The following M1AP variants were observed in gnomAD, a reference collection of about 807,000 sequenced individuals.
M1AP encodes meiosis 1 associated protein.
A neutral mutation model predicts 51.2 loss-of-function variants in M1AP; 39 were observed. That is an observed-to-expected ratio of 0.76 (90% CI 0.59 to 1.00). M1AP has a LOEUF of 1.00. Among genes scored for constraint, M1AP ranks in the 50% least tolerant of loss-of-function variants. The probability of loss-of-function intolerance (pLI) is 0.00; values close to 1 mark genes in which losing one functional copy is unlikely to be tolerated. For synonymous variants in M1AP, 251 were observed against 249.2 expected (o/e 1.01, Z -0.07); for missense variants, 545 against 641.2 (o/e 0.85, Z 1.62).
intron 7 of M1AP, among the ~76,000 whole-genome samples, chr2:74,568,531 C>T (rs1369979931): frequency 1.3e-5 from 2 of 152,182 alleles, no homozygotes; most frequent in Admixed American, 6.5e-5. Flanking sequence ...CCAAGACTTC[C>T]ACCTGTGGAG....
intron 3 of M1AP, among the ~76,000 whole-genome samples, chr2:74,612,919 C>T (rs1199226660): frequency 4.6e-5 from 7 of 151,906 alleles, no homozygotes; most frequent in African/African-American, 1.2e-4. Flanking sequence ...ACATGTAAGT[C>T]GTACCTTTTA....
Position 74,576,637 on chromosome 2 carries a change from A to G in M1AP, c.770-19T>C, listed in dbSNP as rs755613339. On this transcript the variant is annotated intron_variant, in intron 5 of 10. Coordinates refer to ENST00000421985, the MANE Select transcript of M1AP (RefSeq NM_001321739.2). The stretch of plus-strand genomic sequence containing the variant: ...AGACACACTACAATAAAAGGAGATT[A>G]CATTTCAGACACACTACAATTGGAG... The G allele has an allele frequency of 1.2e-6, 2 of 1,612,922 alleles. No homozygotes were observed. The highest frequency in any genetic ancestry group is 1.7e-6 in the Non-Finnish European group (2 of 1,179,016).
intron 2 of M1AP, chr2:74,619,451 C>G (rs1681874977): frequency 6.5e-6 from 1 of 154,310 alleles, no homozygotes; most frequent in Non-Finnish European, 1.5e-5. Flanking sequence ...AGCAGAAGCA[C>G]TATGCTGCTC....
At chr2:74,639,731 T>C (rs1284430477) in intron 2 of M1AP, among the ~76,000 whole-genome samples, 3 of 152,200 alleles carry the variant, frequency 2.0e-5, no homozygotes, top group Admixed American at 2.0e-4. Flanking sequence ...TCAAAGGGCA[T>C]AAAAGGAGTC....
chr2:74,604,460 T>C (rs1573129816), intron 4 of M1AP, among the ~76,000 whole-genome samples: 1 of 152,224 alleles, frequency 6.6e-6, no homozygotes, highest in Non-Finnish European at 1.5e-5. Context: ...GATTCTCATA[T>C]AAGGAGTGCA....
At chr2:74,581,230 G>A (rs868177005) in intron 5 of M1AP, among the ~76,000 whole-genome samples, 1 of 152,182 alleles carries the variant, frequency 6.6e-6, no homozygotes, top group Non-Finnish European at 1.5e-5. Flanking sequence ...TCCCCCATTT[G>A]CTGCCTCCCT....
intron 4 of M1AP, among the ~76,000 whole-genome samples, chr2:74,595,285 G>T (rs1680264392): frequency 6.6e-6 from 1 of 152,094 alleles, no homozygotes; most frequent in Admixed American, 6.6e-5. Context: ...ACAGTGCTGG[G>T]ATTACAGGTA....
At chr2:74,607,327 G>C in intron 3 of M1AP, 104 bp from the exon 4 acceptor site, 2 of 1,163,746 alleles carry the variant, frequency 1.7e-6, no homozygotes, top group South Asian at 1.4e-5. Context: ...AGTCTGTGGT[G>C]GTGGCTATTA....
At chr2:74,585,944 G>A (rs1014217862) in intron 4 of M1AP, among the ~76,000 whole-genome samples, 3 of 151,974 alleles carry the variant, frequency 2.0e-5, no homozygotes, top group South Asian at 2.1e-4. Context: ...TCCCTCCTTT[G>A]CTCAAGAGCA....
intron 1 of M1AP, among the ~76,000 whole-genome samples, chr2:74,643,686 C>T (rs1423494298): frequency 4.6e-5 from 7 of 151,778 alleles, no homozygotes; most frequent in Non-Finnish European, 8.8e-5. Context: ...CTCCACCTCC[C>T]AGGCTCAAGT....
At chr2:74,596,784 C>T (rs888660728) in intron 4 of M1AP, among the ~76,000 whole-genome samples, 1 of 152,170 alleles carries the variant, frequency 6.6e-6, no homozygotes, top group Non-Finnish European at 1.5e-5. Context: ...TATACCACTA[C>T]TCAGCAATAA....
chr2:74,641,079 A>G (rs2104845765), intron 1 of M1AP, among the ~76,000 whole-genome samples: 1 of 152,238 alleles, frequency 6.6e-6, no homozygotes, highest in Non-Finnish European at 1.5e-5. Flanking sequence ...AAAAATGAAA[A>G]TATGACTACA....
At chr2:74,593,070 G>A (rs963587689) in intron 4 of M1AP, among the ~76,000 whole-genome samples, 7 of 152,156 alleles carry the variant, frequency 4.6e-5, no homozygotes, top group Non-Finnish European at 1.0e-4. Flanking sequence ...ATTGGGTAGT[G>A]GCAACACAAG....
chr2:74,632,038 T>C (rs13386693), intron 2 of M1AP, among the ~76,000 whole-genome samples: 13,299 of 152,252 alleles, frequency 0.087, 1,690 homozygotes, highest in African/African-American at 0.28. Context: ...AAGGTAATAG[T>C]ATTGTTTCTG....
chr2:74,647,523 C>T (rs1004002296), intron 1 of M1AP: 2 of 426,116 alleles, frequency 4.7e-6, no homozygotes, highest in African/African-American at 4.3e-5. Context: ...CCCTAAAAAT[C>T]TCATTTCCCC....
chr2:74,580,940 T>C (rs1282007071), intron 5 of M1AP, among the ~76,000 whole-genome samples: 3 of 152,100 alleles, frequency 2.0e-5, no homozygotes, highest in African/African-American at 7.2e-5. Flanking sequence ...GACTGATAGA[T>C]GGGCCCATCT....
At chr2:74,646,654 T>C (rs938140263) in intron 1 of M1AP, among the ~76,000 whole-genome samples, 2 of 152,362 alleles carry the variant, frequency 1.3e-5, no homozygotes, top group South Asian at 4.1e-4. Context: ...TCATAAGTTT[T>C]ACTATGAGAG....
Position 74,640,329 on chromosome 2 carries a change from T to C in M1AP, c.-52-2A>G. Reference sequence around the variant, plus strand: ...CCACCAGCTGGATATTCTTTACACCTATAGGGAAGGAAAGAGAAACCACTG... The same window carrying C: ...CCACCAGCTGGATATTCTTTACACCCATAGGGAAGGAAAGAGAAACCACTG... On this transcript the variant is annotated splice_acceptor_variant, in intron 1 of 10. Coordinates refer to ENST00000421985, the MANE Select transcript of M1AP (RefSeq NM_001321739.2). LOFTEE classifies it low-confidence loss of function (5UTR_SPLICE). The C allele has an allele frequency of 6.3e-7, 1 of 1,587,328 alleles. No individual in the cohort carries two copies. Among genetic ancestry groups the C allele is most frequent in the Non-Finnish European group, 8.6e-7 (1 of 1,167,898 alleles).
chr2:74,589,157 C>A (rs75763367), intron 4 of M1AP, among the ~76,000 whole-genome samples: 1 of 152,126 alleles, frequency 6.6e-6, no homozygotes, highest in Non-Finnish European at 1.5e-5. Flanking sequence ...ACTTGAATGA[C>A]GTGAAGTGAG....
Sources: gnomAD v4.1 joint callset for allele counts (sites outside exome capture counted in the v4.1 genomes callset) on GRCh38, gnomAD v4.1.1 for gene constraint, MANE v1.5 for transcripts, NCBI Gene and HGNC (gene_info 2026-07-23, HGNC 2026-07-21) for gene names.